Variants in INTS7 observed in about 807,000 individuals in gnomAD.
INTS7 encodes chromosome 1 open reading frame 73.
A neutral mutation model predicts 109.2 loss-of-function variants in INTS7; 46 were observed. That is an observed-to-expected ratio of 0.42 (90% CI 0.33 to 0.54). INTS7 has a LOEUF of 0.54. INTS7 is among the 20% of genes least tolerant of loss of function. The pLI is 0.07. For synonymous variants in INTS7, 412 were observed against 402.9 expected (o/e 1.02, Z -0.27); for missense variants, 929 against 1,132.4 (o/e 0.82, Z 2.58).
In INTS7 at chr1:211,975,271, A is replaced by G; in HGVS notation, c.1710T>C (p.His570=). 4.3e-6 allele frequency: 7 copies of G among 1,613,904 alleles called. No homozygotes were observed. The highest frequency in any genetic ancestry group is 1.1e-5 in the South Asian group (1 of 91,076). Residue 570 remains histidine, a synonymous_variant, in exon 13 of 20, where the codon CAT becomes CAC. Transcript: ENST00000366994. ...FWLNSLKEFS[H]AEQCLTGLQE... is the part of the protein sequence containing the mutation. The stretch of plus-strand genomic sequence containing the variant: ...GCAACCCAGTGAGACACTGTTCTGC[A>G]TGTGAAAACTCCTTCAAACTATTTA...
intron 2 of INTS7, chr1:212,020,763 TA>T: frequency 4.0e-6 from 4 of 1,007,728 alleles, no homozygotes; most frequent in Non-Finnish European, 4.8e-6. Flanking sequence ...TGCTATAAAA[TA>T]AATTATTAAA....
Position 211,946,206 on chromosome 1 carries a change from G to A in INTS7, c.2415+401C>T, listed in dbSNP as rs1204936744. 1.3e-5 allele frequency among the ~76,000 whole-genome samples: 2 copies of A among 152,256 alleles called. No homozygotes were observed. The highest frequency in any genetic ancestry group is 2.9e-5 in the Non-Finnish European group (2 of 68,050). On this transcript the variant is annotated intron_variant, in intron 18 of 19. Transcript: ENST00000366994. The surrounding 1 kb of genome is among the most constrained non-coding windows in gnomAD (Gnocchi z 4.3). ...TTTTATCAAAACCAAAGGTAAGCCA[G>A]GCACAGTGGCTCATGCCTGTAATCC...
intron 9 of INTS7, among the ~76,000 whole-genome samples, chr1:211,981,847 T>C (rs1278399059): frequency 6.6e-6 from 1 of 152,174 alleles, no homozygotes; most frequent in Non-Finnish European, 1.5e-5. Flanking sequence ...CTGTGTTACA[T>C]GGAAGAAAAT....
chr1:211,963,298 G>A (rs1663725708), intron 16 of INTS7, among the ~76,000 whole-genome samples: 1 of 151,978 alleles, frequency 6.6e-6, no homozygotes, highest in African/African-American at 2.4e-5. Context: ...GGAAGAAACT[G>A]AATCCCTGAT....
intron 11 of INTS7, among the ~76,000 whole-genome samples, chr1:211,977,472 T>C (rs1022170773): frequency 3.9e-5 from 6 of 152,352 alleles, no homozygotes; most frequent in African/African-American, 1.4e-4. Context: ...TAAAGATCCA[T>C]ACATTTGGTC....
intron 5 of INTS7, 126 bp from the exon 6 acceptor site, chr1:212,007,575 C>A (rs1665985195): frequency 1.6e-6 from 1 of 633,160 alleles, no homozygotes; most frequent in Non-Finnish European, 2.8e-6. Flanking sequence ...ATATTTATAA[C>A]ATTAAAGATT....
At chr1:211,954,577 G>A (rs1222604087) in intron 16 of INTS7, among the ~76,000 whole-genome samples, 3 of 152,242 alleles carry the variant, frequency 2.0e-5, no homozygotes, top group East Asian at 1.9e-4. Flanking sequence ...TTTTGTATAA[G>A]GTGTAAGGAA....
At chr1:212,011,943 A>G (rs1352136143) in intron 4 of INTS7, among the ~76,000 whole-genome samples, 1 of 152,246 alleles carries the variant, frequency 6.6e-6, no homozygotes, top group Non-Finnish European at 1.5e-5. Context: ...TCTTTTTAAA[A>G]TAACATTTTA....
In INTS7 at chr1:211,941,681, AT is replaced by A; in HGVS notation, c.*142del. Reference sequence around the variant, plus strand: ...CAGACAAAATTTTTAAGAAAACAAAATTTTTTCCAGAATATTACATTACAAA... The same window carrying A: ...CAGACAAAATTTTTAAGAAAACAAAATTTTTCCAGAATATTACATTACAAA... On this transcript the variant is annotated 3_prime_UTR_variant, in exon 20 of 20. Coordinates refer to ENST00000366994, the MANE Select transcript of INTS7 (RefSeq NM_015434.4). The A allele has an allele frequency of 7.6e-7, 1 of 1,323,122 alleles. No individual in the cohort carries two copies. Among genetic ancestry groups the A allele is most frequent in the Non-Finnish European group, 1.0e-6 (1 of 985,888 alleles). 82.0% of individuals were successfully genotyped at this position (1,323,122 alleles called of 1,614,324 possible).
chr1:211,960,130 A>T (rs916349244), intron 16 of INTS7, among the ~76,000 whole-genome samples: 1 of 152,164 alleles, frequency 6.6e-6, no homozygotes, highest in Non-Finnish European at 1.5e-5. Flanking sequence ...AGCCTCAAGG[A>T]GCCAGAGAAC....
At position 212,014,888 on chromosome 1, in the gene INTS7, C is replaced by T. The variant is rs557668798; in HGVS notation, c.509+1998G>A. On this transcript the variant is annotated intron_variant, in intron 4 of 19. Transcript: ENST00000366994. ...GGAGTGCAGTGGTGTGATCTCCGCT[C>T]GCTATAACCTCCACCTCCCAGCCGC... Among the ~76,000 whole-genome samples, 67 of 152,312 alleles carry T rather than the reference C, an allele frequency of 4.4e-4. 1 individual carries two copies. The South Asian group carries it at 0.014, about 31-fold the overall frequency.
At chr1:212,022,590 C>T (rs1666755930) in intron 1 of INTS7, among the ~76,000 whole-genome samples, 2 of 152,148 alleles carry the variant, frequency 1.3e-5, no homozygotes, top group South Asian at 2.1e-4. Context: ...CACTAAGATA[C>T]CATTACACAT....
intron 17 of INTS7, among the ~76,000 whole-genome samples, chr1:211,950,153 T>A (rs1663022231): frequency 6.6e-6 from 1 of 152,234 alleles, no homozygotes; most frequent in Non-Finnish European, 1.5e-5. Context: ...TCCTGTGTCT[T>A]TGTCATTTTT....
Position 211,940,995 on chromosome 1 carries a change from A to G in INTS7, c.*829T>C, listed in dbSNP as rs1225074471. ...AAAGACTGCTTTAGCACAGGAAGAG[A>G]TAAATATGTGGTTGAACTAATACAG... On this transcript the variant is annotated 3_prime_UTR_variant, in exon 20 of 20. Coordinates refer to ENST00000366994, the MANE Select transcript of INTS7 (RefSeq NM_015434.4). 3.3e-5 allele frequency: 5 copies of G among 152,264 alleles called. No individual in the cohort carries two copies. The highest frequency in any genetic ancestry group is 7.3e-5 in the Non-Finnish European group (5 of 68,046). The allele number at this position is 152,264 out of a possible 1,614,324, so 9.4% of individuals were successfully genotyped here. A position where few individuals can be genotyped will look rare whatever the true frequency, so the allele number is the denominator to read the frequency against.
intron 7 of INTS7, among the ~76,000 whole-genome samples, chr1:211,994,092 AAGAAGGAAAGACAAAAGGAG>A (rs888974301): frequency 6.6e-5 from 10 of 152,298 alleles, no homozygotes; most frequent in South Asian, 2.1e-4. Flanking sequence ...AAAGTAACAA[AAGAAGGAAAGACAAAAGGAG>A]AGAAGGAAAG....
intron 16 of INTS7, among the ~76,000 whole-genome samples, chr1:211,960,568 T>C (rs2788130): frequency 0.045 from 6,823 of 152,126 alleles, 210 homozygotes; most frequent in African/African-American, 0.08. Context: ...ACAATAAAAT[T>C]ATACAGGAGC....
Position 211,940,492 on chromosome 1 carries a change from A to G in INTS7, c.*1332T>C, listed in dbSNP as rs1209993250. 6.6e-6 allele frequency: 1 copy of G among 152,192 alleles called. No homozygotes were observed. The highest frequency in any genetic ancestry group is 2.4e-5 in the African/African-American group (1 of 41,444). The allele number at this position is 152,192 out of a possible 1,614,324, so 9.4% of individuals were successfully genotyped here. Reference sequence around the variant, plus strand: ...AGCTGCATCCGGCCAAATTACTTATAGCATCGGCATCTGCAACCATATGAT... The same window carrying G: ...AGCTGCATCCGGCCAAATTACTTATGGCATCGGCATCTGCAACCATATGAT... On this transcript the variant is annotated 3_prime_UTR_variant, in exon 20 of 20. Transcript: ENST00000366994.
chr1:211,994,700 T>C (rs1411222707), intron 7 of INTS7, among the ~76,000 whole-genome samples: 1 of 151,192 alleles, frequency 6.6e-6, no homozygotes, highest in Admixed American at 6.6e-5. Flanking sequence ...CCCCAAGTAC[T>C]GGGATTACAG....
intron 7 of INTS7, among the ~76,000 whole-genome samples, chr1:211,998,638 CT>C (rs940607504): frequency 6.6e-6 from 1 of 150,544 alleles, no homozygotes; most frequent in Non-Finnish European, 1.5e-5. Flanking sequence ...AGGCAGACTT[CT>C]TAGATAAAAT....
Sources: allele counts gnomAD v4.1 joint callset (sites outside exome capture counted in the v4.1 genomes callset), GRCh38; gene constraint gnomAD v4.1.1; non-coding constraint Gnocchi (gnomAD v3.1); transcripts MANE v1.5; gene names NCBI Gene and HGNC (gene_info 2026-07-23, HGNC 2026-07-21).